The following MTR variants were observed in gnomAD, a reference collection of about 807,000 sequenced individuals.
MTR encodes methionine synthase.
MTR carries 84 observed loss-of-function variants against 154.8 expected under a neutral mutation model. The ratio of observed to expected loss-of-function variants is 0.54; its 90% CI spans 0.45 to 0.65. The LOEUF (loss-of-function observed/expected upper bound fraction) is 0.65, where lower values mean the gene tolerates loss of function less well. MTR is among the 30% of genes least tolerant of loss of function. The probability of loss-of-function intolerance (pLI) is 0.00; values close to 1 mark genes in which losing one functional copy is unlikely to be tolerated. For missense variants in MTR, 1,275 were observed against 1,570.2 expected, an observed-to-expected ratio of 0.81 and a Z score of 3.18; for synonymous variants, 554 against 553.9, an observed-to-expected ratio of 1.00 and a Z score of 0.00.
chr1:236,838,100 C>T (rs1663012243), intron 14 of MTR, among the ~76,000 whole-genome samples: 1 of 152,076 alleles, frequency 6.6e-6, no homozygotes, highest in African/African-American at 2.4e-5. Context: ...GAGGTGTTTG[C>T]CTCGGGGCTT....
intron 3 of MTR, 76 bp downstream of exon 3, chr1:236,806,309 C>A: frequency 8.5e-7 from 1 of 1,173,944 alleles, no homozygotes; most frequent in South Asian, 1.2e-5. Context: ...GTGAGTAAAG[C>A]ACTGGAAGCT....
At chr1:236,823,794 ATCTTTTTTTTTTTT>A (rs1395827052) in intron 8 of MTR, among the ~76,000 whole-genome samples, 2 of 23,388 alleles carry the variant, frequency 8.6e-5, no homozygotes, top group African/African-American at 3.3e-4. Context: ...TTCAGGTCAG[ATCTTTTTTTTTTTT>A]TTTTTTTTTT....
rs918899591 is a variant in MTR at position 236,850,221 on chromosome 1, A to G, written c.1516-123A>G. The G allele has an allele frequency of 5.1e-6, 3 of 585,658 alleles. No homozygotes were observed. In the African/African-American group the frequency reaches 6.0e-5, roughly 12 times the overall value. 36.3% of individuals were successfully genotyped at this position (585,658 alleles called of 1,614,324 possible). On this transcript the variant is annotated intron_variant, in intron 15 of 32. Transcript: ENST00000366577. ...GTTTTCAGTGAGTGAAATGTGCTCTAATGTATAACACTTAATATTTTAATA... is the reference window on the plus strand; with the variant it reads ...GTTTTCAGTGAGTGAAATGTGCTCTGATGTATAACACTTAATATTTTAATA...
chr1:236,860,999 A>T (rs1174450322), intron 19 of MTR, 126 bp from the exon 20 acceptor site: 16 of 774,470 alleles, frequency 2.1e-5, no homozygotes, highest in Non-Finnish European at 3.0e-5. Context: ...GAGTCCATGC[A>T]CTCTGCTTCT....
At chr1:236,797,955 C>T (rs1486924842) in intron 1 of MTR, among the ~76,000 whole-genome samples, 5 of 135,980 alleles carry the variant, frequency 3.7e-5, no homozygotes, top group Admixed American at 7.2e-5. Context: ...GAGACTTAGT[C>T]TCCAAAAAAA....
At chr1:236,858,223 C>T (rs1032471077) in intron 18 of MTR, among the ~76,000 whole-genome samples, 1 of 152,084 alleles carries the variant, frequency 6.6e-6, no homozygotes, top group Non-Finnish European at 1.5e-5. Context: ...GGAGGTCTCA[C>T]AATCATAATG....
In MTR at chr1:236,884,566, C is replaced by T. The variant is rs181915772; in HGVS notation, c.2677-555C>T. 1.1e-4 allele frequency among the ~76,000 whole-genome samples: 16 copies of T among 152,260 alleles called. No homozygotes were observed. In the East Asian group the frequency reaches 1.9e-3, roughly 18 times the overall value. On this transcript the variant is annotated intron_variant, in intron 25 of 32. Transcript: ENST00000366577. The stretch of plus-strand genomic sequence containing the variant: ...CCAGGTACAGGCTTTCAGGAGTCAT[C>T]TCCCCCATAGAGTAATCTGGATGGT...
chr1:236,901,237 A>G lies in MTR; in HGVS notation c.*3593A>G, dbSNP rs1160858411. On this transcript the variant is annotated 3_prime_UTR_variant, in exon 33 of 33. Coordinates refer to ENST00000366577, the MANE Select transcript of MTR (RefSeq NM_000254.3). ...GGCCCTTCTCACAGTGAGCCCCTCAAGAGCAGCGTCAGGGGATTGTGGGGA... is the reference window on the plus strand; with the variant it reads ...GGCCCTTCTCACAGTGAGCCCCTCAGGAGCAGCGTCAGGGGATTGTGGGGA... 1.3e-5 allele frequency: 2 copies of G among 152,676 alleles called. No homozygotes were observed. The highest frequency in any genetic ancestry group is 4.8e-5 in the African/African-American group (2 of 41,442). 9.5% of individuals were successfully genotyped at this position (152,676 alleles called of 1,614,324 possible).
At chr1:236,873,040 A>G (rs1471756563) in intron 22 of MTR, among the ~76,000 whole-genome samples, 1 of 152,228 alleles carries the variant, frequency 6.6e-6, no homozygotes, top group Non-Finnish European at 1.5e-5. Context: ...GTGTCTTTCA[A>G]CAGATGAATG....
chr1:236,871,009 T>G (rs977309822), intron 22 of MTR, among the ~76,000 whole-genome samples: 1 of 152,140 alleles, frequency 6.6e-6, no homozygotes, highest in Non-Finnish European at 1.5e-5. Flanking sequence ...TCTCTCTGCT[T>G]CTCTACCCCG....
intron 5 of MTR, 134 bp from the exon 6 acceptor site, chr1:236,812,604 A>C: frequency 1.3e-6 from 1 of 768,942 alleles, no homozygotes; most frequent in South Asian, 1.4e-5. Context: ...GGTTTCTTAC[A>C]AAAGATCATG....
At chr1:236,812,716 G>A in intron 5 of MTR, 22 bp from the exon 6 acceptor site, 1 of 1,596,876 alleles carries the variant, frequency 6.3e-7, no homozygotes, top group Non-Finnish European at 8.6e-7. Context: ...CTGATGTGCT[G>A]GGTGTGATTT....
Position 236,861,421 on chromosome 1 carries a change from T to C in MTR, c.2196+144T>C, listed in dbSNP as rs963767874. 6 of 1,258,228 alleles carry C rather than the reference T, an allele frequency of 4.8e-6. No homozygotes were observed. The African/African-American group carries it at 6.0e-5, about 13-fold the overall frequency. 77.9% of individuals were successfully genotyped at this position (1,258,228 alleles called of 1,614,324 possible). On this transcript the variant is annotated intron_variant, in intron 20 of 32. Coordinates refer to ENST00000366577, the MANE Select transcript of MTR (RefSeq NM_000254.3). ...TAGTCATTCCTTCTCTAAATATGTT[T>C]AGGAGTCATGTCTGCAAGAATCCGT... is the stretch of plus-strand genomic sequence containing the variant.
chr1:236,864,599 T>A (rs1664729410), intron 22 of MTR, among the ~76,000 whole-genome samples: 2 of 152,258 alleles, frequency 1.3e-5, no homozygotes, highest in African/African-American at 4.8e-5. Flanking sequence ...ATGTACTTAC[T>A]ATTTTTTAAA....
Position 236,891,161 on chromosome 1 carries a change from T to A in MTR, c.3036T>A (p.Asp1012Glu), listed in dbSNP as rs1177658009. The A allele has an allele frequency of 6.2e-7, 1 of 1,614,230 alleles. No individual in the cohort carries two copies. The highest frequency in any genetic ancestry group is 1.1e-5 in the South Asian group (1 of 91,086). Residue 1012 changes from aspartate (D) to glutamate (E), a missense_variant, in exon 29 of 33, where the codon GAT becomes GAA. Transcript: ENST00000366577. ...GAGAGGCCAGGAAGGTCTACGATGATGCCCACAATATGCTGAACACACTGA... is the reference window on the plus strand; with the variant it reads ...GAGAGGCCAGGAAGGTCTACGATGAAGCCCACAATATGCTGAACACACTGA... ...VGGEARKVYDDAHNMLNTLIS... is the reference protein window; with the variant it reads ...VGGEARKVYDEAHNMLNTLIS...
chr1:236,820,015 C>T (rs994019736), intron 8 of MTR: 8 of 998,056 alleles, frequency 8.0e-6, no homozygotes, highest in Middle Eastern at 3.0e-4. Flanking sequence ...GTTACTGACT[C>T]GAGGGCTGAC....
At chr1:236,893,900 T>G (rs552700445) in intron 29 of MTR, among the ~76,000 whole-genome samples, 1 of 152,292 alleles carries the variant, frequency 6.6e-6, no homozygotes, top group Admixed American at 6.5e-5. Context: ...AACAGTTTGT[T>G]GTTTGAGCTG....
intron 27 of MTR, among the ~76,000 whole-genome samples, chr1:236,887,433 G>C (rs973937386): frequency 7.9e-5 from 12 of 152,202 alleles, no homozygotes; most frequent in African/African-American, 2.9e-4. Flanking sequence ...TGGAAATGTT[G>C]TGAGGGTAAA....
chr1:236,804,490 A>G (rs760198041), intron 2 of MTR, among the ~76,000 whole-genome samples: 2 of 151,668 alleles, frequency 1.3e-5, no homozygotes, highest in Non-Finnish European at 2.9e-5. Flanking sequence ...ATTGCTTCGT[A>G]CTGTCTTATA....
Sources: allele counts gnomAD v4.1 joint callset (sites outside exome capture counted in the v4.1 genomes callset), GRCh38; gene constraint gnomAD v4.1.1; transcripts MANE v1.5; gene names NCBI Gene and HGNC (gene_info 2026-07-23, HGNC 2026-07-21).